Variants in RGS6 observed in about 807,000 individuals in gnomAD.
RGS6 encodes regulator of G-protein signaling 6.
In RGS6, 30 loss-of-function variants were observed where a neutral mutation model predicts 78.5. The ratio of observed to expected loss-of-function variants is 0.38; its 90% CI spans 0.29 to 0.52. The LOEUF (loss-of-function observed/expected upper bound fraction) is 0.52, where lower values mean the gene tolerates loss of function less well. RGS6 is among the 20% of genes least tolerant of loss of function. The pLI is 0.85. For missense variants in RGS6, 495 were observed against 609.7 expected (o/e 0.81, Z 1.98); for synonymous variants, 206 against 206.0 (o/e 1.00, Z 0.00).
In RGS6 at chr14:72,558,228, C is replaced by T. The variant is rs17180761; in HGVS notation, c.1423-4189C>T. On this transcript the variant is annotated intron_variant, in intron 17 of 17. Coordinates refer to ENST00000553525, the MANE Select transcript of RGS6 (RefSeq NM_001204424.2). ...TTGGCAGACTTGAGATCTGTAACTT[C>T]GGTCTTAGTTCATCTGAGCAGATCA... 4.0e-3 allele frequency among the ~76,000 whole-genome samples: 612 copies of T among 152,276 alleles called. 2 individuals carry two copies. The highest frequency in any genetic ancestry group is 7.1e-3 in the Non-Finnish European group (486 of 68,038).
the RGS6 span, among the ~76,000 whole-genome samples, chr14:72,586,198 T>C: frequency 1.3e-5 from 2 of 152,102 alleles, no homozygotes; most frequent in African/African-American, 4.8e-5. Flanking sequence ...TTGGATATGG[T>C]CTGTTTGGCC....
At chr14:72,574,527 A>T in the RGS6 span, among the ~76,000 whole-genome samples, 4 of 152,226 alleles carry the variant, frequency 2.6e-5, no homozygotes, top group Non-Finnish European at 5.9e-5. Flanking sequence ...AGGACATTTA[A>T]GTCTATGAGC....
chr14:72,185,211 T>G (rs901049216), intron 2 of RGS6, among the ~76,000 whole-genome samples: 5 of 152,060 alleles, frequency 3.3e-5, no homozygotes, highest in Admixed American at 6.6e-5. Flanking sequence ...GGCAGTTGAT[T>G]AGATGGTGCC....
upstream of RGS6, among the ~76,000 whole-genome samples, chr14:71,927,697 G>A (rs2087736295): frequency 6.8e-6 from 1 of 147,988 alleles, no homozygotes; most frequent in Non-Finnish European, 1.5e-5. Flanking sequence ...TCGCTCTGTC[G>A]CCCAGGCTGG....
At chr14:72,440,978 C>T (rs1267674465) in intron 3 of RGS6, among the ~76,000 whole-genome samples, 3 of 152,076 alleles carry the variant, frequency 2.0e-5, no homozygotes, top group South Asian at 4.2e-4. Context: ...TGCATCTGTG[C>T]GTGTGTGCAG....
chr14:72,473,169 C>T (rs943770784), intron 9 of RGS6, among the ~76,000 whole-genome samples: 1 of 152,196 alleles, frequency 6.6e-6, no homozygotes, highest in Non-Finnish European at 1.5e-5. Flanking sequence ...TTCGGCCGGG[C>T]ATGGCGGCTC....
intron 2 of RGS6, among the ~76,000 whole-genome samples, chr14:72,061,383 T>C (rs556057144): frequency 3.9e-5 from 6 of 152,300 alleles, no homozygotes; most frequent in African/African-American, 1.4e-4. Flanking sequence ...ATCAGAGAAG[T>C]GTCCTTACAC....
At chr14:72,196,553 G>C (rs946107644) in intron 2 of RGS6, among the ~76,000 whole-genome samples, 1 of 152,130 alleles carries the variant, frequency 6.6e-6, no homozygotes, top group South Asian at 2.1e-4. Flanking sequence ...CTTGACATCC[G>C]ATTTTCTCCT....
chr14:72,276,410 G>A (rs1051599887), intron 2 of RGS6, among the ~76,000 whole-genome samples: 1 of 152,196 alleles, frequency 6.6e-6, no homozygotes, highest in Non-Finnish European at 1.5e-5. Context: ...TATACATGCA[G>A]CACATAGATT....
chr14:72,368,641 A>C (rs922520926), intron 3 of RGS6, among the ~76,000 whole-genome samples: 12 of 152,134 alleles, frequency 7.9e-5, no homozygotes, highest in Non-Finnish European at 1.5e-4. Flanking sequence ...TCCCAATTCT[A>C]TCTCTTTCTC....
intron 3 of RGS6, among the ~76,000 whole-genome samples, chr14:72,418,138 A>G (rs1286546165): frequency 1.3e-4 from 20 of 151,716 alleles, no homozygotes; most frequent in Admixed American, 1.3e-3. Flanking sequence ...CGGACACATC[A>G]TCTGTACTGC....
At chr14:72,067,394 G>A (rs955493909) in intron 2 of RGS6, among the ~76,000 whole-genome samples, 1 of 152,154 alleles carries the variant, frequency 6.6e-6, no homozygotes, top group Non-Finnish European at 1.5e-5. Flanking sequence ...ATAGGTTGAT[G>A]GGTGCAGCAA....
intron 2 of RGS6, among the ~76,000 whole-genome samples, chr14:72,256,261 C>T (rs1417530351): frequency 6.6e-6 from 1 of 152,162 alleles, no homozygotes; most frequent in African/African-American, 2.4e-5. Context: ...TCTTCATGCA[C>T]TGAGTCAGTT....
At chr14:72,376,136 T>A (rs1266897487) in intron 3 of RGS6, among the ~76,000 whole-genome samples, 2 of 152,190 alleles carry the variant, frequency 1.3e-5, no homozygotes, top group African/African-American at 4.8e-5. Flanking sequence ...GTCATTATTT[T>A]AATGAGAAAT....
chr14:72,358,806 T>C (rs1034978399), intron 3 of RGS6, among the ~76,000 whole-genome samples: 3 of 152,120 alleles, frequency 2.0e-5, no homozygotes, highest in African/African-American at 7.2e-5. Context: ...GAAGGCATCA[T>C]TGTGTTTTGA....
chr14:72,502,647 C>T (rs949296131), intron 13 of RGS6, among the ~76,000 whole-genome samples: 5 of 152,140 alleles, frequency 3.3e-5, no homozygotes, highest in Non-Finnish European at 7.3e-5. Context: ...AGCTGTAATC[C>T]CAGGTACTCG....
the RGS6 span, among the ~76,000 whole-genome samples, chr14:71,875,949 G>A: frequency 1.8e-4 from 27 of 152,308 alleles, no homozygotes; most frequent in African/African-American, 6.3e-4. Flanking sequence ...ATGTAGTTGA[G>A]CAGTTTTGAG....
intron 3 of RGS6, among the ~76,000 whole-genome samples, chr14:72,407,625 G>A (rs764153453): frequency 1.6e-4 from 24 of 152,200 alleles, no homozygotes; most frequent in Non-Finnish European, 7.3e-5. Flanking sequence ...CAGTAAACCG[G>A]GAGAGGCTTC....
chr14:72,469,125 C>G (rs534880865), intron 7 of RGS6, among the ~76,000 whole-genome samples: 1 of 151,912 alleles, frequency 6.6e-6, no homozygotes, highest in Non-Finnish European at 1.5e-5. Flanking sequence ...TTTTCTCTAA[C>G]GGCAGCCCTC....
Sources: allele counts gnomAD v4.1 joint callset (sites outside exome capture counted in the v4.1 genomes callset), GRCh38; gene constraint gnomAD v4.1.1; transcripts MANE v1.5; gene names NCBI Gene and HGNC (gene_info 2026-07-23, HGNC 2026-07-21).